Variants in ACSBG1 observed in about 807,000 individuals in gnomAD.
The protein encoded by ACSBG1 is acyl-CoA synthetase bubblegum family member 1.
In ACSBG1, 39 loss-of-function variants were observed where a neutral mutation model predicts 80.2. The ratio of observed to expected loss-of-function variants is 0.49; its 90% CI spans 0.38 to 0.64. The LOEUF (loss-of-function observed/expected upper bound fraction) is 0.64. Among genes scored for constraint, ACSBG1 ranks in the 30% least tolerant of loss-of-function variants. The pLI, the probability that ACSBG1 is intolerant of heterozygous loss-of-function variation, is 0.00. For missense variants in ACSBG1, 828 were observed against 966.4 expected, an observed-to-expected ratio of 0.86 and a Z score of 1.90; for synonymous variants, 392 against 379.5, an observed-to-expected ratio of 1.03 and a Z score of -0.38.
In ACSBG1 at chr15:78,168,662, G is replaced by T; in HGVS notation, c.*2782C>A. ...ATTGTGTGAACAAAGGGAAAATTTTGGTAAAGCTCCCTGCCTCCCTTTGCA... is the reference window on the plus strand; with the variant it reads ...ATTGTGTGAACAAAGGGAAAATTTTTGTAAAGCTCCCTGCCTCCCTTTGCA... On this transcript the variant is annotated 3_prime_UTR_variant, in exon 14 of 14. Transcript: ENST00000258873. 3 of 290,288 alleles carry T rather than the reference G, an allele frequency of 1.0e-5. No homozygotes were observed. Among genetic ancestry groups the T allele is most frequent in the Non-Finnish European group, 1.3e-5 (2 of 155,840 alleles). The allele number at this position is 290,288 out of a possible 1,614,324, so 18.0% of individuals were successfully genotyped here.
intron 5 of ACSBG1, among the ~76,000 whole-genome samples, chr15:78,183,210 G>A (rs889977008): frequency 3.3e-5 from 5 of 152,210 alleles, no homozygotes; most frequent in African/African-American, 4.8e-5. Flanking sequence ...TACAATATGC[G>A]CATAGTATGC....
intron 1 of ACSBG1, among the ~76,000 whole-genome samples, chr15:78,219,713 G>A (rs28437821): frequency 3.0e-4 from 45 of 152,298 alleles, no homozygotes; most frequent in African/African-American, 1.1e-3. Context: ...GGCCGGGCGC[G>A]GTGGCTAATG....
At chr15:78,173,120 C>T (rs1003985357) in intron 13 of ACSBG1, among the ~76,000 whole-genome samples, 16 of 152,078 alleles carry the variant, frequency 1.1e-4, no homozygotes, top group African/African-American at 2.9e-4. Flanking sequence ...CCGAGGCGGG[C>T]GGATCACCTG....
chr15:78,215,724 G>A (rs867139328), intron 1 of ACSBG1, among the ~76,000 whole-genome samples: 5 of 116,640 alleles, frequency 4.3e-5, no homozygotes, highest in East Asian at 5.0e-4. Context: ...AAGAAAGAAA[G>A]AGAAAGAAAG....
At chr15:78,221,721 T>C (rs972666487) in intron 1 of ACSBG1, among the ~76,000 whole-genome samples, 1 of 152,146 alleles carries the variant, frequency 6.6e-6, no homozygotes, top group African/African-American at 2.4e-5. Flanking sequence ...CAGGCTTTCT[T>C]GGGCAGAGGT....
Position 78,234,236 on chromosome 15 carries a change from G to T in ACSBG1, c.131+135C>A, listed in dbSNP as rs2075474169. The T allele has an allele frequency of 3.1e-6, 4 of 1,291,334 alleles. No homozygotes were observed. The African/African-American group carries it at 4.4e-5, about 14-fold the overall frequency. 80.0% of individuals were successfully genotyped at this position (1,291,334 alleles called of 1,614,324 possible). A position where few individuals can be genotyped will look rare whatever the true frequency, so the allele number is the denominator to read the frequency against. ...GTTCTTCCATCTTACGGATCGCCCA[G>T]ATCCTTCCCTTCATTTCCCAGGTGA... On this transcript the variant is annotated intron_variant, in intron 1 of 13. Coordinates refer to ENST00000258873, the MANE Select transcript of ACSBG1 (RefSeq NM_015162.5).
intron 1 of ACSBG1, among the ~76,000 whole-genome samples, chr15:78,208,633 C>T (rs2075239660): frequency 6.6e-6 from 1 of 152,180 alleles, no homozygotes; most frequent in Non-Finnish European, 1.5e-5. Context: ...AGGGCCTCCC[C>T]TCTTCCATGT....
At chr15:78,228,378 T>C (rs2075421006) in intron 1 of ACSBG1, among the ~76,000 whole-genome samples, 1 of 151,846 alleles carries the variant, frequency 6.6e-6, no homozygotes, top group Admixed American at 6.6e-5. Context: ...CAGGTCAGAG[T>C]AGATTGATAA....
At chr15:78,181,291 G>A (rs1019434637) in intron 8 of ACSBG1, among the ~76,000 whole-genome samples, 7 of 152,088 alleles carry the variant, frequency 4.6e-5, no homozygotes, top group African/African-American at 1.2e-4. Context: ...TGCTGGTGGA[G>A]GGAAACTTGC....
rs959261685 is a variant in ACSBG1 at position 78,169,240 on chromosome 15, GT to G, written c.*2203del. 4.9e-5 allele frequency: 16 copies of G among 327,242 alleles called. No individual in the cohort carries two copies. Among genetic ancestry groups the G allele is most frequent in the South Asian group, 2.3e-4 (2 of 8,528 alleles). 20.3% of individuals were successfully genotyped at this position (327,242 alleles called of 1,614,324 possible). A position where few individuals can be genotyped will look rare whatever the true frequency, so the allele number is the denominator to read the frequency against. The stretch of plus-strand genomic sequence containing the variant: ...TTTATTAAGTGTCTACCTGGTAAAT[GT>G]TTTTTTTGTAAACTCTGAGTGGACT... On this transcript the variant is annotated 3_prime_UTR_variant, in exon 14 of 14. Coordinates refer to ENST00000258873, the MANE Select transcript of ACSBG1 (RefSeq NM_015162.5).
chr15:78,189,816 G>T (rs1339286827), intron 5 of ACSBG1, among the ~76,000 whole-genome samples: 1 of 151,414 alleles, frequency 6.6e-6, no homozygotes, highest in Non-Finnish European at 1.5e-5. Flanking sequence ...AAAACTTAAA[G>T]TATAATAATA....
At chr15:78,225,432 T>TA (rs1196511052) in intron 1 of ACSBG1, among the ~76,000 whole-genome samples, 2 of 145,526 alleles carry the variant, frequency 1.4e-5, no homozygotes, top group Non-Finnish European at 3.0e-5. Context: ...AATAAATAAA[T>TA]AAAAATAAAT....
chr15:78,185,048 G>A (rs1287718965), intron 5 of ACSBG1, among the ~76,000 whole-genome samples: 2 of 90,094 alleles, frequency 2.2e-5, no homozygotes, highest in Admixed American at 1.3e-4. Context: ...GGGGCGGAGG[G>A]GAGGGAGAGA....
In ACSBG1 at chr15:78,181,653, C is replaced by T. The variant is rs188523005; in HGVS notation, c.1071+316G>A. On this transcript the variant is annotated intron_variant, in intron 8 of 13. Transcript: ENST00000258873. Reference sequence around the variant, plus strand: ...GGACTACAGGCACCTGCCACCACTCCCATCTAATTTTTTGTATTTTCAGTA... The same window carrying T: ...GGACTACAGGCACCTGCCACCACTCTCATCTAATTTTTTGTATTTTCAGTA... Among the ~76,000 whole-genome samples, 499 of 152,138 alleles carry T rather than the reference C, an allele frequency of 3.3e-3. 1 individual carries two copies. The highest frequency in any genetic ancestry group is 0.011 in the African/African-American group (463 of 41,466).
At chr15:78,227,366 T>G (rs1401059585) in intron 1 of ACSBG1, among the ~76,000 whole-genome samples, 8 of 150,950 alleles carry the variant, frequency 5.3e-5, no homozygotes, top group Non-Finnish European at 7.4e-5. Flanking sequence ...ATAAAAGGAT[T>G]AAGAACCCAA....
intron 1 of ACSBG1, among the ~76,000 whole-genome samples, chr15:78,223,099 C>G (rs1038375892): frequency 6.6e-6 from 1 of 152,138 alleles, no homozygotes; most frequent in Non-Finnish European, 1.5e-5. Context: ...AAGGCTAAGT[C>G]AAAAAAGCAA....
chr15:78,216,384 G>A (rs2075312019), intron 1 of ACSBG1, among the ~76,000 whole-genome samples: 2 of 152,178 alleles, frequency 1.3e-5, no homozygotes, highest in Admixed American at 6.5e-5. Context: ...AAGAAAGCTG[G>A]CAAGGAGTAA....
In ACSBG1 at chr15:78,179,687, G is replaced by T. The variant is rs1415831308; in HGVS notation, c.1347C>A (p.Phe449Leu). The part of the protein sequence containing the change: ...ALGFAKCQKN[F>L]YGAAPMMAET... ...CTGCCATCATGGGGGCCGCTCCATA[G>T]AAGTTCTTTTGACACTTGGCAAATC... is the stretch of plus-strand genomic sequence containing the variant. Residue 449 changes from phenylalanine to leucine, a missense_variant, in exon 10 of 14, where the codon TTC becomes TTA. By Grantham distance (22) the Phe-to-Leu change is conservative. Around this residue, in one of 3 missense-constraint regions of ACSBG1, gnomAD observed 271 missense variants for 375.9 expected, o/e 0.72. Coordinates refer to ENST00000258873, the MANE Select transcript of ACSBG1 (RefSeq NM_015162.5). 1 of 1,614,082 alleles carries T rather than the reference G, an allele frequency of 6.2e-7. No homozygotes were observed. Among genetic ancestry groups the T allele is most frequent in the Non-Finnish European group, 8.5e-7 (1 of 1,180,048 alleles).
At chr15:78,206,346 C>T (rs1026016732) in intron 2 of ACSBG1, among the ~76,000 whole-genome samples, 1 of 152,188 alleles carries the variant, frequency 6.6e-6, no homozygotes, top group African/African-American at 2.4e-5. Flanking sequence ...ACCTTGCCCC[C>T]ACAGCTCCCA....
Sources: allele counts gnomAD v4.1 joint callset (sites outside exome capture counted in the v4.1 genomes callset), GRCh38; gene constraint gnomAD v4.1.1; regional missense constraint gnomAD v4.1.1; transcripts MANE v1.5; gene names NCBI Gene and HGNC (gene_info 2026-07-23, HGNC 2026-07-21).